Variants in PTGR2 observed in about 807,000 individuals in gnomAD.
PTGR2 encodes prostaglandin reductase 2.
A neutral mutation model predicts 43.4 loss-of-function variants in PTGR2; 32 were observed. The observed-to-expected ratio is 0.74, with a 90% CI of 0.56 to 0.99. PTGR2 has a LOEUF of 0.99. Among genes scored for constraint, PTGR2 ranks in the 50% least tolerant of loss-of-function variants. The pLI, the probability that PTGR2 is intolerant of heterozygous loss-of-function variation, is 0.00. For missense variants in PTGR2, 373 were observed against 420.0 expected, an observed-to-expected ratio of 0.89 and a Z score of 0.98; for synonymous variants, 106 against 139.2, an observed-to-expected ratio of 0.76 and a Z score of 1.68.
chr14:73,859,507 T>A (rs1253756157), intron 2 of PTGR2, among the ~76,000 whole-genome samples: 1 of 152,046 alleles, frequency 6.6e-6, no homozygotes, highest in East Asian at 1.9e-4. Context: ...TGGTAACCTT[T>A]CCTTCTTACA....
intron 3 of PTGR2, among the ~76,000 whole-genome samples, chr14:73,871,098 A>C (rs1398368928): frequency 6.6e-6 from 1 of 152,188 alleles, no homozygotes; most frequent in African/African-American, 2.4e-5. Context: ...TATTCCTACC[A>C]CCTTACCTCC....
chr14:73,872,647 T>C (rs2054762984), intron 3 of PTGR2, among the ~76,000 whole-genome samples: 1 of 152,178 alleles, frequency 6.6e-6, no homozygotes, highest in South Asian at 2.1e-4. Flanking sequence ...GTCACCTCAG[T>C]TTTTTAATTT....
Position 73,881,304 on chromosome 14 carries a change from ATTC to A in PTGR2, c.939+15_939+17del, listed in dbSNP as rs1324077343. 2.7e-6 allele frequency: 4 copies of A among 1,471,016 alleles called. No individual in the cohort carries two copies. The highest frequency in any genetic ancestry group is 3.8e-6 in the Non-Finnish European group (4 of 1,051,720). The allele number at this position is 1,471,016 out of a possible 1,614,324, so 91.1% of individuals were successfully genotyped here. A position where few individuals can be genotyped will look rare whatever the true frequency, so the allele number is the denominator to read the frequency against. On this transcript the variant is annotated intron_variant, in intron 8 of 9. Coordinates refer to ENST00000555661, the MANE Select transcript of PTGR2 (RefSeq NM_001146154.2). ...AAGGAAAGCTAAAGGTAGAACTTCT[ATTC>A]TTTATCAATATAATTCTTCCTGCTA...
At chr14:73,854,159 A>G (rs948865221) in intron 1 of PTGR2, among the ~76,000 whole-genome samples, 2 of 152,106 alleles carry the variant, frequency 1.3e-5, no homozygotes, top group African/African-American at 4.8e-5. Context: ...CTTGAGTGCA[A>G]TGGATCAGTT....
At chr14:73,878,664 G>T in intron 5 of PTGR2, 1 of 473,570 alleles carries the variant, frequency 2.1e-6, no homozygotes, top group South Asian at 1.6e-5. Flanking sequence ...TGTTTATTTT[G>T]ACAATGACCA....
intron 5 of PTGR2, chr14:73,878,562 C>T: frequency 2.9e-6 from 1 of 342,916 alleles, no homozygotes; most frequent in Non-Finnish European, 5.6e-6. Flanking sequence ...GACACTCTCT[C>T]GAGATGCTGG....
At chr14:73,859,657 A>G (rs1413318241) in intron 2 of PTGR2, among the ~76,000 whole-genome samples, 1 of 151,224 alleles carries the variant, frequency 6.6e-6, no homozygotes, top group Non-Finnish European at 1.5e-5. Context: ...AAATTTTTTA[A>G]TTTTCCACTT....
chr14:73,872,972 CA>C (rs113631455), intron 3 of PTGR2, among the ~76,000 whole-genome samples: 2,738 of 135,502 alleles, frequency 0.02, 77 homozygotes, highest in African/African-American at 0.066. Flanking sequence ...GACTCCATCT[CA>C]AAAAAAAAAA....
At chr14:73,879,913 A>G in intron 6 of PTGR2, 142 bp from the exon 7 acceptor site, 1 of 689,416 alleles carries the variant, frequency 1.5e-6, no homozygotes, top group Non-Finnish European at 2.4e-6. Context: ...AAAATTCTTA[A>G]ATACCTCTAA....
At chr14:73,874,597 CT>C (rs1364853123) in intron 4 of PTGR2, 1 of 456,380 alleles carries the variant, frequency 2.2e-6, no homozygotes, top group Non-Finnish European at 4.4e-6. Context: ...TGGGTTGTCA[CT>C]GTGTTGCCCC....
chr14:73,865,304 C>T (rs1018317930), intron 3 of PTGR2, among the ~76,000 whole-genome samples: 4 of 152,166 alleles, frequency 2.6e-5, no homozygotes, highest in Non-Finnish European at 5.9e-5. Context: ...GGCTGAAGAA[C>T]CTGGAGTTCT....
intron 9 of PTGR2, among the ~76,000 whole-genome samples, chr14:73,883,424 C>G (rs2055049790): frequency 6.6e-6 from 1 of 150,804 alleles, no homozygotes; most frequent in South Asian, 2.1e-4. Context: ...CAACTCCTGG[C>G]CTCAAATGAT....
intron 3 of PTGR2, chr14:73,861,854 G>A (rs2054498361): frequency 6.6e-6 from 1 of 151,136 alleles, no homozygotes; most frequent in African/African-American, 2.4e-5. Flanking sequence ...TCCTGTTGCT[G>A]TTTTGACATA....
At chr14:73,876,459 C>A (rs1367174998) in intron 4 of PTGR2, among the ~76,000 whole-genome samples, 1 of 130,130 alleles carries the variant, frequency 7.7e-6, no homozygotes, top group Non-Finnish European at 1.7e-5. Context: ...GATCTTGTTT[C>A]TTCTTCTTCT....
Position 73,879,205 on chromosome 14 carries a change from A to G in PTGR2, c.629A>G (p.Lys210Arg). 1 of 1,613,922 alleles carries G rather than the reference A, an allele frequency of 6.2e-7. No individual in the cohort carries two copies. Among genetic ancestry groups the G allele is most frequent in the Non-Finnish European group, 8.5e-7 (1 of 1,179,940 alleles). ...LGFDAAINYKKDNVAEQLRES... is the reference protein window; with the variant it reads ...LGFDAAINYKRDNVAEQLRES... ...TTTGATGCTGCAATTAATTATAAAA[A>G]AGACAATGTGGCAGAACAGCTCCGT... Residue 210 changes from lysine (K) to arginine (R), a missense_variant, in exon 6 of 10, where the codon AAA becomes AGA. Lys to Arg is a conservative substitution (Grantham distance 26). Coordinates refer to ENST00000555661, the MANE Select transcript of PTGR2 (RefSeq NM_001146154.2).
chr14:73,868,245 C>T (rs1188499361), intron 3 of PTGR2, among the ~76,000 whole-genome samples: 1 of 151,948 alleles, frequency 6.6e-6, no homozygotes. Flanking sequence ...GCCGAGATCA[C>T]GCCACTGCAC....
chr14:73,861,156 T>A (rs2054480912), intron 3 of PTGR2: 1 of 152,434 alleles, frequency 6.6e-6, no homozygotes, highest in Non-Finnish European at 1.5e-5. Context: ...GACTTTGGCC[T>A]CCTTGAAGTG....
chr14:73,857,803 G>A (rs1384400344), intron 1 of PTGR2, among the ~76,000 whole-genome samples: 1 of 150,782 alleles, frequency 6.6e-6, no homozygotes, highest in African/African-American at 2.4e-5. Flanking sequence ...GGAGTAGCTG[G>A]GACTACAGGC....
intron 9 of PTGR2, 50 bp downstream of exon 9, chr14:73,882,488 A>G: frequency 8.3e-7 from 1 of 1,202,962 alleles, no homozygotes; most frequent in Non-Finnish European, 1.2e-6. Context: ...ACACAAAGAT[A>G]AAGTCTCTTT....
Sources: allele counts gnomAD v4.1 joint callset (sites outside exome capture counted in the v4.1 genomes callset), GRCh38; gene constraint gnomAD v4.1.1; transcripts MANE v1.5; gene names NCBI Gene and HGNC (gene_info 2026-07-23, HGNC 2026-07-21).